The following NDUFAF2 variants were observed in gnomAD, a reference collection of about 807,000 sequenced individuals.
NDUFAF2 encodes the protein NADH:ubiquinone oxidoreductase complex assembly factor 2.
In NDUFAF2, 13 loss-of-function variants were observed where a neutral mutation model predicts 22.8. That is an observed-to-expected ratio of 0.57 (90% confidence interval 0.37 to 0.91). The LOEUF is 0.91. Among genes scored for constraint, NDUFAF2 ranks in the 40% least tolerant of loss-of-function variants. The pLI is 0.01. For missense variants in NDUFAF2, 162 were observed against 195.2 expected (o/e 0.83, Z 1.01); for synonymous variants, 53 against 64.2 (o/e 0.83, Z 0.84).
intron 1 of NDUFAF2, among the ~76,000 whole-genome samples, chr5:60,946,072 G>C (rs1750446970): frequency 6.6e-6 from 1 of 152,116 alleles, no homozygotes; most frequent in African/African-American, 2.4e-5. Context: ...TACTGTGTAG[G>C]ATTCGTGCCA....
At chr5:61,105,520 T>A (rs1752751749) in intron 3 of NDUFAF2, among the ~76,000 whole-genome samples, 1 of 150,622 alleles carries the variant, frequency 6.6e-6, no homozygotes, top group Non-Finnish European at 1.5e-5. Flanking sequence ...TTGCAGCATG[T>A]TCATACCTGT....
chr5:61,116,268 A>G (rs942156294), intron 3 of NDUFAF2: 2 of 152,190 alleles, frequency 1.3e-5, no homozygotes, highest in Non-Finnish European at 2.9e-5. Context: ...CATCTGAGAA[A>G]TGAAAAACAG....
intron 3 of NDUFAF2, among the ~76,000 whole-genome samples, chr5:61,129,740 A>G (rs1753085242): frequency 6.6e-6 from 1 of 152,178 alleles, no homozygotes; most frequent in South Asian, 2.1e-4. Flanking sequence ...ATGTATACAT[A>G]TGTAACAAAC....
At chr5:60,949,042 G>T (rs537156900) in intron 1 of NDUFAF2, among the ~76,000 whole-genome samples, 22 of 151,962 alleles carry the variant, frequency 1.4e-4, no homozygotes, top group African/African-American at 4.8e-4. Context: ...CTATTAGTTG[G>T]TTTTTTTAGA....
intron 2 of NDUFAF2, among the ~76,000 whole-genome samples, chr5:61,095,891 A>G (rs552632990): frequency 1.3e-5 from 2 of 152,204 alleles, no homozygotes; most frequent in African/African-American, 4.8e-5. Flanking sequence ...ATTAGTACCA[A>G]TGCGAGTACC....
At chr5:61,007,726 T>C (rs1751386985) in intron 1 of NDUFAF2, among the ~76,000 whole-genome samples, 2 of 152,152 alleles carry the variant, frequency 1.3e-5, no homozygotes, top group African/African-American at 2.4e-5. Context: ...AGTTCAACCA[T>C]TGTGGAAGTC....
At chr5:61,123,214 T>C (rs1752996841) in intron 3 of NDUFAF2, among the ~76,000 whole-genome samples, 1 of 152,146 alleles carries the variant, frequency 6.6e-6, no homozygotes, top group African/African-American at 2.4e-5. Flanking sequence ...CCATAAAAAA[T>C]TCAGAACTGT....
intron 1 of NDUFAF2, among the ~76,000 whole-genome samples, chr5:60,949,817 T>G (rs1750518914): frequency 6.6e-6 from 1 of 152,218 alleles, no homozygotes; most frequent in South Asian, 2.1e-4. Context: ...TTAAATTTAT[T>G]ATAAAGTATA....
chr5:61,009,698 A>G (rs1751419503), intron 1 of NDUFAF2, among the ~76,000 whole-genome samples: 1 of 152,052 alleles, frequency 6.6e-6, no homozygotes, highest in Non-Finnish European at 1.5e-5. Flanking sequence ...TACTTCTTCA[A>G]GTCATGGAAT....
intron 1 of NDUFAF2, among the ~76,000 whole-genome samples, chr5:60,985,396 C>T (rs1167608176): frequency 2.0e-5 from 3 of 152,044 alleles, no homozygotes; most frequent in Non-Finnish European, 1.5e-5. Context: ...CTATCTCCTT[C>T]AGTTCTGCTC....
At chr5:60,982,533 A>T (rs899870435) in intron 1 of NDUFAF2, among the ~76,000 whole-genome samples, 4 of 143,066 alleles carry the variant, frequency 2.8e-5, no homozygotes, top group African/African-American at 1.0e-4. Flanking sequence ...ATATCTCCTA[A>T]TGCTATCCCT....
intron 3 of NDUFAF2, among the ~76,000 whole-genome samples, chr5:61,150,772 C>T (rs1395987536): frequency 2.0e-5 from 3 of 152,116 alleles, no homozygotes; most frequent in East Asian, 1.9e-4. Context: ...CTTTTCATTC[C>T]GCTCCAAAGA....
At chr5:60,995,948 A>C (rs1164731090) in intron 1 of NDUFAF2, among the ~76,000 whole-genome samples, 2 of 152,168 alleles carry the variant, frequency 1.3e-5, no homozygotes, top group Admixed American at 1.3e-4. Context: ...AGGAAGTACT[A>C]CAAGACTACC....
At chr5:60,999,124 G>A (rs181475378) in intron 1 of NDUFAF2, among the ~76,000 whole-genome samples, 69 of 151,990 alleles carry the variant, frequency 4.5e-4, no homozygotes, top group Non-Finnish European at 1.0e-4. Context: ...TCTCAAATAC[G>A]TTTTCCACAG....
intron 1 of NDUFAF2, among the ~76,000 whole-genome samples, chr5:61,011,446 G>A (rs554792969): frequency 2.2e-4 from 33 of 152,226 alleles, no homozygotes; most frequent in Admixed American, 2.0e-3. Flanking sequence ...AGAACATTTA[G>A]GGGAAGAGGG....
At chr5:61,008,247 A>T (rs2112595853) in intron 1 of NDUFAF2, among the ~76,000 whole-genome samples, 1 of 152,110 alleles carries the variant, frequency 6.6e-6, no homozygotes, top group East Asian at 1.9e-4. Context: ...GCACATGTAT[A>T]CATATGTAAC....
At chr5:60,980,813 T>C (rs1750966789) in intron 1 of NDUFAF2, among the ~76,000 whole-genome samples, 1 of 151,718 alleles carries the variant, frequency 6.6e-6, no homozygotes, top group Non-Finnish European at 1.5e-5. Flanking sequence ...TGCATCAGAG[T>C]CTATTAACAG....
intron 1 of NDUFAF2, among the ~76,000 whole-genome samples, chr5:61,030,786 T>C (rs566831190): frequency 6.6e-6 from 1 of 152,254 alleles, no homozygotes; most frequent in Admixed American, 6.5e-5. Context: ...AAAGCATATA[T>C]GAAGATTACT....
chr5:60,950,784 T>C (rs1489350813), intron 1 of NDUFAF2, among the ~76,000 whole-genome samples: 1 of 152,060 alleles, frequency 6.6e-6, no homozygotes, highest in Non-Finnish European at 1.5e-5. Context: ...ATATTCCTGC[T>C]CCCCCAATGC....
Sources: allele counts gnomAD v4.1 joint callset (sites outside exome capture counted in the v4.1 genomes callset), GRCh38; gene constraint gnomAD v4.1.1; transcripts MANE v1.5; gene names NCBI Gene and HGNC (gene_info 2026-07-23, HGNC 2026-07-21).